Variants in RAB6A observed in about 807,000 individuals in gnomAD.
RAB6A encodes the protein ras-related protein Rab-6A.
RAB6A carries 8 observed loss-of-function variants against 32.3 expected under a neutral mutation model. The ratio of observed to expected loss-of-function variants is 0.25; its 90% confidence interval spans 0.15 to 0.45. The LOEUF is 0.45. Ranked by LOEUF, RAB6A falls within the 20% of genes least tolerant of loss-of-function variation. The probability of loss-of-function intolerance (pLI) is 1.00; values close to 1 mark genes in which losing one functional copy is unlikely to be tolerated. For synonymous variants in RAB6A, 73 were observed against 82.1 expected (o/e 0.89, Z 0.60); for missense variants, 104 against 249.4 (o/e 0.42, Z 3.93).
chr11:73,747,249 A>G (rs931227478), intron 1 of RAB6A, among the ~76,000 whole-genome samples: 1 of 149,490 alleles, frequency 6.7e-6, no homozygotes, highest in African/African-American at 2.5e-5. Context: ...TCTGTCGCCC[A>G]GGCTGGAGTG....
intron 5 of RAB6A, among the ~76,000 whole-genome samples, chr11:73,712,327 C>T (rs1945969193): frequency 6.6e-6 from 1 of 151,794 alleles, no homozygotes; most frequent in Non-Finnish European, 1.5e-5. Flanking sequence ...ACTTATTTTC[C>T]ATATGAAACT....
chr11:73,712,231 T>C (rs1454898632), intron 5 of RAB6A, among the ~76,000 whole-genome samples: 1 of 152,224 alleles, frequency 6.6e-6, no homozygotes. Context: ...TGATCCAATT[T>C]TATCTTTTCT....
At chr11:73,738,026 TAATA>T (rs1565373329) in intron 1 of RAB6A, among the ~76,000 whole-genome samples, 2 of 151,530 alleles carry the variant, frequency 1.3e-5, no homozygotes, top group East Asian at 1.9e-4. Flanking sequence ...CACATGTTAT[TAATA>T]TATACTAAAA....
At chr11:73,687,474 G>C (rs1945477780) in intron 6 of RAB6A, among the ~76,000 whole-genome samples, 1 of 152,146 alleles carries the variant, frequency 6.6e-6, no homozygotes, top group Non-Finnish European at 1.5e-5. Context: ...GTGAGCCACT[G>C]TGCCCAGCTC....
At chr11:73,744,262 C>T (rs1460889965) in intron 1 of RAB6A, among the ~76,000 whole-genome samples, 3 of 146,942 alleles carry the variant, frequency 2.0e-5, no homozygotes, top group African/African-American at 7.5e-5. Context: ...GGCGTGAACT[C>T]GGGAGGTGGA....
At chr11:73,738,217 A>G (rs1248208204) in intron 1 of RAB6A, among the ~76,000 whole-genome samples, 4 of 152,138 alleles carry the variant, frequency 2.6e-5, no homozygotes, top group Admixed American at 2.6e-4. Context: ...TAAGTTGCCC[A>G]AGCTGGTTTT....
At chr11:73,728,209 G>C (rs115919571) in intron 2 of RAB6A, among the ~76,000 whole-genome samples, 3,622 of 152,200 alleles carry the variant, frequency 0.024, 149 homozygotes, top group African/African-American at 0.083. Flanking sequence ...TGTGTAGGTT[G>C]TGAGGGCAGA....
chr11:73,738,870 G>A (rs1408572360), intron 1 of RAB6A, among the ~76,000 whole-genome samples: 1 of 151,750 alleles, frequency 6.6e-6, no homozygotes, highest in African/African-American at 2.4e-5. Flanking sequence ...CTTGAGCCTG[G>A]GAGTCGGAGG....
intron 6 of RAB6A, among the ~76,000 whole-genome samples, chr11:73,706,077 C>T (rs1945837224): frequency 6.6e-6 from 1 of 152,080 alleles, no homozygotes; most frequent in African/African-American, 2.4e-5. Flanking sequence ...AATCAGTGAT[C>T]ATTCAATATT....
chr11:73,694,888 C>T (rs1206962446), intron 6 of RAB6A, among the ~76,000 whole-genome samples: 2 of 152,092 alleles, frequency 1.3e-5, no homozygotes, highest in Admixed American at 6.6e-5. Context: ...TGGTGGCACA[C>T]GCGTGCAATC....
intron 1 of RAB6A, chr11:73,759,941 AC>A: frequency 1.1e-6 from 1 of 930,464 alleles, no homozygotes; most frequent in South Asian, 1.5e-5. Context: ...ACCCCCAACC[AC>A]CCCATGCTCA....
chr11:73,701,173 C>T (rs756635200), intron 6 of RAB6A, among the ~76,000 whole-genome samples: 7 of 152,284 alleles, frequency 4.6e-5, no homozygotes, highest in South Asian at 4.1e-4. Flanking sequence ...AGTAGAACTA[C>T]ATGGTACCTA....
chr11:73,699,087 C>T (rs1027182885), intron 6 of RAB6A, among the ~76,000 whole-genome samples: 2 of 151,854 alleles, frequency 1.3e-5, no homozygotes, highest in Non-Finnish European at 2.9e-5. Context: ...TCCTGACCTC[C>T]GGTGATTCAC....
chr11:73,715,196 A>G, intron 5 of RAB6A, among the ~76,000 whole-genome samples: 1 of 151,960 alleles, frequency 6.6e-6, no homozygotes, highest in Non-Finnish European at 1.5e-5. Flanking sequence ...GCACAATTTC[A>G]GCTCACTGCA....
At chr11:73,709,335 A>AGGAGGGAGGGAGTGAC (rs1167743226) in intron 5 of RAB6A, among the ~76,000 whole-genome samples, 2 of 151,768 alleles carry the variant, frequency 1.3e-5, no homozygotes, top group African/African-American at 4.8e-5. Context: ...ACTTAGAACA[A>AGGAGGGAGGGAGTGAC]GGAGGGAGGG....
chr11:73,724,203 A>G (rs923984906), intron 2 of RAB6A, among the ~76,000 whole-genome samples: 11 of 152,216 alleles, frequency 7.2e-5, no homozygotes, highest in Non-Finnish European at 8.8e-5. Flanking sequence ...TGACTCCAAA[A>G]GCAAAGAAAA....
chr11:73,751,671 T>C (rs1946670600), intron 1 of RAB6A, among the ~76,000 whole-genome samples: 1 of 152,218 alleles, frequency 6.6e-6, no homozygotes, highest in South Asian at 2.1e-4. Flanking sequence ...TACTAGGGAT[T>C]ACAAGGTACA....
At chr11:73,726,353 C>T (rs1946219866) in intron 2 of RAB6A, among the ~76,000 whole-genome samples, 3 of 149,332 alleles carry the variant, frequency 2.0e-5, no homozygotes, top group Admixed American at 6.7e-5. Flanking sequence ...GAGGCAGAGG[C>T]GGGTGGATCA....
At chr11:73,717,731 ACT>A in intron 4 of RAB6A, among the ~76,000 whole-genome samples, 1 of 152,234 alleles carries the variant, frequency 6.6e-6, no homozygotes, top group Non-Finnish European at 1.5e-5. Context: ...GGCGTGAGCC[ACT>A]GTGCCCGGCC....
Sources: allele counts gnomAD v4.1 joint callset (sites outside exome capture counted in the v4.1 genomes callset), GRCh38; gene constraint gnomAD v4.1.1; transcripts MANE v1.5; gene names NCBI Gene and HGNC (gene_info 2026-07-23, HGNC 2026-07-21).